Variants in CCDC28B observed in about 807,000 individuals in gnomAD.
The protein encoded by CCDC28B is coiled-coil domain-containing protein 28B.
Under a neutral mutation model 18.7 loss-of-function variants are expected in CCDC28B, and 17 were observed. The observed-to-expected ratio is 0.91, with a 90% CI of 0.62 to 1.36. CCDC28B has a LOEUF of 1.36. CCDC28B is among the 40% of genes most tolerant of loss of function. The probability of loss-of-function intolerance (pLI) is 0.00; values close to 1 mark genes in which losing one functional copy is unlikely to be tolerated. For synonymous variants in CCDC28B, 116 were observed against 105.1 expected, an observed-to-expected ratio of 1.10 and a Z score of -0.64; for missense variants, 213 against 251.7, an observed-to-expected ratio of 0.85 and a Z score of 1.04.
At chr1:32,202,259 A>AC in intron 2 of CCDC28B, 160 bp downstream of exon 2, 1 of 944,844 alleles carries the variant, frequency 1.1e-6, no homozygotes, top group Non-Finnish European at 1.7e-6. Context: ...CCCAGTCCCT[A>AC]CCCTCAACTG....
chr1:32,196,603 G>A (rs763141688), upstream of CCDC28B: 2 of 151,952 alleles, frequency 1.3e-5, no homozygotes, highest in African/African-American at 4.8e-5. Flanking sequence ...TGAATGTTCT[G>A]CTGTTGCAAA....
In CCDC28B at chr1:32,205,058, A is replaced by T; in HGVS notation, c.549-136A>T. 8.2e-7 allele frequency: 1 copy of T among 1,212,704 alleles called. No individual in the cohort carries two copies. The highest frequency in any genetic ancestry group is 1.1e-6 in the Non-Finnish European group (1 of 874,862). 75.1% of individuals were successfully genotyped at this position (1,212,704 alleles called of 1,614,324 possible). A position where few individuals can be genotyped will look rare whatever the true frequency, so the allele number is the denominator to read the frequency against. On this transcript the variant is annotated intron_variant, in intron 5 of 5. Transcript: ENST00000373602. The surrounding 1 kb of genome is among the most constrained non-coding windows in gnomAD (Gnocchi z 5.6). ...GTGAGAGAGGGCAGGCGGGGACTGC[A>T]ACCTCAGTCCACAGACGGCCCGAGA...
upstream of CCDC28B, chr1:32,196,089 G>A (rs545535354): frequency 6.2e-6 from 1 of 160,978 alleles, no homozygotes. Flanking sequence ...CTGGCCTCCA[G>A]TGTCCCACCT....
intron 5 of CCDC28B, 158 bp downstream of exon 5, chr1:32,204,778 T>TC: frequency 6.2e-7 from 1 of 1,609,900 alleles, no homozygotes; most frequent in Non-Finnish European, 8.5e-7. Context: ...GTACAGGAAT[T>TC]TAGAATTTCC....
At chr1:32,199,889 T>C (rs1220535224), upstream of CCDC28B, among the ~76,000 whole-genome samples, 2 of 152,184 alleles carry the variant, frequency 1.3e-5, no homozygotes, top group Admixed American at 6.5e-5. Flanking sequence ...GCTGCCCCCA[T>C]TGATCTGGCT....
chr1:32,200,076 A>G (rs1643115062), upstream of CCDC28B, among the ~76,000 whole-genome samples: 1 of 152,214 alleles, frequency 6.6e-6, no homozygotes, highest in African/African-American at 2.4e-5. Flanking sequence ...GGCAAAATAC[A>G]GCCCCCACCA....
At chr1:32,204,491 A>G in intron 4 of CCDC28B, 107 bp from the exon 5 acceptor site, 1 of 1,514,828 alleles carries the variant, frequency 6.6e-7, no homozygotes, top group Non-Finnish European at 8.8e-7. Context: ...GCATGGATCC[A>G]AGAGCTCTGG....
In CCDC28B at chr1:32,202,009, G is replaced by A. The variant is rs371310338; in HGVS notation, c.74G>A (p.Arg25Gln). 1.7e-5 allele frequency: 27 copies of A among 1,613,638 alleles called. No individual in the cohort carries two copies. Among genetic ancestry groups the A allele is most frequent in the Non-Finnish European group, 2.2e-5 (26 of 1,179,956 alleles). ...AQPAQAPGTL[R>Q]RVPVPTSHSG... ...CCAGCCCAGGCCCCAGGCACACTAC[G>A]GAGGGTCCCTGTGCCTACCAGCCAC... The change falls in exon 2 of 6, where the codon CGG becomes CAG. Residue 25 changes from arginine to glutamine, a missense_variant. Arg to Gln is a conservative substitution (Grantham distance 43). Coordinates refer to ENST00000373602, the MANE Select transcript of CCDC28B (RefSeq NM_024296.5).
Position 32,203,927 on chromosome 1 carries a change from C to T in CCDC28B, c.213C>T (p.Gly71=), listed in dbSNP as rs1484851521. ...CAGTCCTGGCTGGAGGTGGAAGCGG[C>T]TCTGCAGGCACGCCCCTGCAGCACT... ...CRPVLAGGGS[G]SAGTPLQHSF... Residue 71 remains glycine, a synonymous_variant, in exon 3 of 6, where the codon GGC becomes GGT. Transcript: ENST00000373602. 1.9e-6 allele frequency: 3 copies of T among 1,549,994 alleles called. No homozygotes were observed. Among genetic ancestry groups the T allele is most frequent in the Non-Finnish European group, 2.6e-6 (3 of 1,149,616 alleles).
Position 32,202,010 on chromosome 1 carries a change from G to C in CCDC28B, c.75G>C (p.Arg25=). Residue 25 remains arginine, a synonymous_variant, in exon 2 of 6, where the codon CGG becomes CGC. Coordinates refer to ENST00000373602, the MANE Select transcript of CCDC28B (RefSeq NM_024296.5). ...AQPAQAPGTL[R]RVPVPTSHSG... ...CAGCCCAGGCCCCAGGCACACTACG[G>C]AGGGTCCCTGTGCCTACCAGCCACA... The C allele has an allele frequency of 6.2e-7, 1 of 1,613,720 alleles. No individual in the cohort carries two copies. The highest frequency in any genetic ancestry group is 1.6e-4 in the Middle Eastern group (1 of 6,062).
chr1:32,197,644 G>T (rs1015281368), upstream of CCDC28B: 2 of 152,272 alleles, frequency 1.3e-5, no homozygotes, highest in African/African-American at 4.8e-5. The surrounding 1 kb of genome is among the most constrained non-coding windows in gnomAD (Gnocchi z 4.6). Context: ...TGTGACCTCA[G>T]TTTTAGGACC....
At chr1:32,197,731 C>T (rs1166403626), upstream of CCDC28B, 1 of 152,244 alleles carries the variant, frequency 6.6e-6, no homozygotes, top group African/African-American at 2.4e-5. The surrounding 1 kb of genome is among the most constrained non-coding windows in gnomAD (Gnocchi z 4.6). Flanking sequence ...GAGCGCATGG[C>T]TCTGCTAATA....
chr1:32,205,090 T>C lies in CCDC28B; in HGVS notation c.549-104T>C. 1 of 1,426,252 alleles carries C rather than the reference T, an allele frequency of 7.0e-7. No homozygotes were observed. Among genetic ancestry groups the C allele is most frequent in the Non-Finnish European group, 9.6e-7 (1 of 1,044,286 alleles). 88.3% of individuals were successfully genotyped at this position (1,426,252 alleles called of 1,614,324 possible). A position where few individuals can be genotyped will look rare whatever the true frequency, so the allele number is the denominator to read the frequency against. On this transcript the variant is annotated intron_variant, in intron 5 of 5. Transcript: ENST00000373602. This position sits in a 1 kb window ranked among gnomAD's most constrained non-coding sequence, Gnocchi z 5.6. ...GTCCACAGACGGCCCGAGACCCTCG[T>C]CCCCGGCCCTTTGCACAGGTGAGGG...
upstream of CCDC28B, chr1:32,197,466 A>G (rs1339840803): frequency 2.0e-5 from 3 of 152,338 alleles, no homozygotes; most frequent in African/African-American, 7.2e-5. The surrounding 1 kb of genome is among the most constrained non-coding windows in gnomAD (Gnocchi z 4.6). Context: ...GCCAGTCTGC[A>G]GATGAGGTTC....
At chr1:32,196,766 C>T (rs1002956364), upstream of CCDC28B, 4 of 152,252 alleles carry the variant, frequency 2.6e-5, no homozygotes, top group African/African-American at 9.7e-5. Context: ...ATCTTCCATA[C>T]CTAGCCCACT....
Position 32,205,004 on chromosome 1 carries a change from C to A in CCDC28B, c.549-190C>A. 2.5e-6 allele frequency: 3 copies of A among 1,184,792 alleles called. No homozygotes were observed. Among genetic ancestry groups the A allele is most frequent in the Middle Eastern group, 2.9e-4 (1 of 3,430 alleles). The allele number at this position is 1,184,792 out of a possible 1,614,324, so 73.4% of individuals were successfully genotyped here. On this transcript the variant is annotated intron_variant, in intron 5 of 5. Coordinates refer to ENST00000373602, the MANE Select transcript of CCDC28B (RefSeq NM_024296.5). This position sits in a 1 kb window ranked among gnomAD's most constrained non-coding sequence, Gnocchi z 5.6. ...CGCGCACACACCCCAGTGTGTCTGACCTGCACGATCTGGATGAAGAGAGAG... is the reference window on the plus strand; with the variant it reads ...CGCGCACACACCCCAGTGTGTCTGAACTGCACGATCTGGATGAAGAGAGAG...
chr1:32,197,630 C>A (rs982829510), upstream of CCDC28B: 2 of 152,284 alleles, frequency 1.3e-5, no homozygotes, highest in African/African-American at 4.8e-5. The surrounding 1 kb of genome is among the most constrained non-coding windows in gnomAD (Gnocchi z 4.6). Flanking sequence ...GTGGGTCCCA[C>A]ACTTGTGACC....
upstream of CCDC28B, among the ~76,000 whole-genome samples, chr1:32,198,466 T>A (rs1471647918): frequency 6.6e-6 from 1 of 152,202 alleles, no homozygotes; most frequent in Non-Finnish European, 1.5e-5. Context: ...CATATTCACT[T>A]GAGCTGCCTG....
At chr1:32,203,810 G>A in intron 2 of CCDC28B, 69 bp from the exon 3 acceptor site, 1 of 1,280,306 alleles carries the variant, frequency 7.8e-7, no homozygotes, top group Non-Finnish European at 1.1e-6. Flanking sequence ...ATAGGCAGAT[G>A]GCACAAAAGA....
Sources: gnomAD v4.1 joint callset for allele counts (sites outside exome capture counted in the v4.1 genomes callset) on GRCh38, gnomAD v4.1.1 for gene constraint, Gnocchi (gnomAD v3.1) non-coding constraint, MANE v1.5 for transcripts, NCBI Gene and HGNC (gene_info 2026-07-23, HGNC 2026-07-21) for gene names.